The following SLC4A4 variants were observed in gnomAD, a reference collection of about 807,000 sequenced individuals.
The protein encoded by SLC4A4 is electrogenic sodium bicarbonate cotransporter 1.
In SLC4A4, 27 loss-of-function variants were observed where a neutral mutation model predicts 111.5. That is an observed-to-expected ratio of 0.24 (90% CI 0.18 to 0.33). The LOEUF (loss-of-function observed/expected upper bound fraction) is 0.33, where lower values mean the gene tolerates loss of function less well. Among genes scored for constraint, SLC4A4 ranks in the 10% least tolerant of loss-of-function variants. The probability of loss-of-function intolerance (pLI) is 1.00; values close to 1 mark genes in which losing one functional copy is unlikely to be tolerated. For missense variants in SLC4A4, 909 were observed against 1,315.5 expected, an observed-to-expected ratio of 0.69 and a Z score of 4.78; for synonymous variants, 443 against 463.4, an observed-to-expected ratio of 0.96 and a Z score of 0.57.
At chr4:71,100,711 C>T (rs1742704169) in intron 2 of SLC4A4, among the ~76,000 whole-genome samples, 2 of 152,142 alleles carry the variant, frequency 1.3e-5, no homozygotes. Context: ...CAGTCTCACC[C>T]CAAAAGCTCC....
intron 3 of SLC4A4, among the ~76,000 whole-genome samples, chr4:71,336,014 C>T (rs930562858): frequency 2.4e-4 from 37 of 152,012 alleles, no homozygotes; most frequent in Admixed American, 1.8e-3. Context: ...TTTATTTTCC[C>T]TACATACATG....
At chr4:71,087,191 A>G (rs1281380493) in intron 1 of SLC4A4, among the ~76,000 whole-genome samples, 1 of 151,920 alleles carries the variant, frequency 6.6e-6, no homozygotes, top group Non-Finnish European at 1.5e-5. Flanking sequence ...GTTTATTTGC[A>G]TAGAGGTGTT....
chr4:71,551,203 A>G (rs767602933), intron 20 of SLC4A4, among the ~76,000 whole-genome samples: 1 of 152,004 alleles, frequency 6.6e-6, no homozygotes, highest in Non-Finnish European at 1.5e-5. Context: ...AGTGAAGTTC[A>G]CTGCTACTTT....
intron 7 of SLC4A4, among the ~76,000 whole-genome samples, chr4:71,415,769 G>C (rs1443753550): frequency 6.6e-6 from 1 of 152,116 alleles, no homozygotes; most frequent in Non-Finnish European, 1.5e-5. Flanking sequence ...TATACATTCT[G>C]CCTTTTAATT....
chr4:71,174,255 C>CTT (rs35256882), intron 2 of SLC4A4, among the ~76,000 whole-genome samples: 14 of 140,880 alleles, frequency 9.9e-5, no homozygotes, highest in Admixed American at 1.4e-4. Flanking sequence ...CCACACCACA[C>CTT]TTTTTTTTTT....
At chr4:71,175,236 A>G (rs2148984282) in intron 2 of SLC4A4, among the ~76,000 whole-genome samples, 1 of 152,360 alleles carries the variant, frequency 6.6e-6, no homozygotes, top group South Asian at 2.1e-4. Context: ...CTGAATAGGA[A>G]CAGCTCCAGT....
intron 14 of SLC4A4, among the ~76,000 whole-genome samples, chr4:71,474,239 A>G (rs1037448925): frequency 1.3e-5 from 2 of 151,850 alleles, no homozygotes; most frequent in Admixed American, 1.3e-4. Context: ...ATAAAAATTG[A>G]TATACAGTCC....
rs372556356 is a variant in SLC4A4, at chr4:71,335,443, T to C, written c.254-3927T>C. Among the ~76,000 whole-genome samples the C allele has an allele frequency of 5.3e-5, 8 of 152,166 alleles. No homozygotes were observed. In the East Asian group the frequency reaches 1.5e-3, roughly 29 times the overall value. On this transcript the variant is annotated intron_variant, in intron 3 of 25. Coordinates refer to ENST00000264485, the MANE Select transcript of SLC4A4 (RefSeq NM_001098484.3). Reference sequence around the variant, plus strand: ...ATGCCCTCCTGATTGCCTAAAATAGTTAGACTTCCCATTTCATGATTGGAA... The same window carrying C: ...ATGCCCTCCTGATTGCCTAAAATAGCTAGACTTCCCATTTCATGATTGGAA...
chr4:71,181,149 G>A (rs1260986609), intron 2 of SLC4A4, among the ~76,000 whole-genome samples: 2 of 147,888 alleles, frequency 1.4e-5, no homozygotes, highest in East Asian at 2.0e-4. Context: ...CTCACTCATA[G>A]GTGGGAATTG....
At chr4:71,529,545 T>C (rs562857937) in intron 16 of SLC4A4, among the ~76,000 whole-genome samples, 1 of 152,190 alleles carries the variant, frequency 6.6e-6, no homozygotes, top group African/African-American at 2.4e-5. Flanking sequence ...GTCCAGTTTA[T>C]GGAAAGCTGA....
At chr4:71,186,545 G>GTCCTCCGCCAGC (rs1255587084), upstream of SLC4A4, among the ~76,000 whole-genome samples, 4 of 151,988 alleles carry the variant, frequency 2.6e-5, no homozygotes, top group Admixed American at 6.6e-5. Flanking sequence ...CCGGAGCCGG[G>GTCCTCCGCCAGC]TCCTCCGCCA....
intron 1 of SLC4A4, among the ~76,000 whole-genome samples, chr4:71,071,637 C>A (rs1398346645): frequency 2.6e-5 from 4 of 152,044 alleles, no homozygotes; most frequent in Non-Finnish European, 5.9e-5. Context: ...GATGTTTGAG[C>A]ATGTGTGTTT....
chr4:71,522,658 T>A (rs191580766), intron 16 of SLC4A4, among the ~76,000 whole-genome samples: 81 of 152,326 alleles, frequency 5.3e-4, no homozygotes, highest in African/African-American at 1.9e-3. Context: ...AACTTCTTGA[T>A]TTTCTAATTT....
intron 13 of SLC4A4, among the ~76,000 whole-genome samples, chr4:71,466,826 T>C (rs1392657543): frequency 1.4e-4 from 21 of 151,974 alleles, no homozygotes; most frequent in Admixed American, 1.4e-3. Flanking sequence ...CCCATTGTCC[T>C]GCCCTGTGCT....
intron 2 of SLC4A4, among the ~76,000 whole-genome samples, chr4:71,097,677 TCAG>T (rs1446100001): frequency 1.3e-5 from 2 of 152,156 alleles, no homozygotes; most frequent in Non-Finnish European, 2.9e-5. Context: ...CGCAATTTCA[TCAG>T]CGTCTGTTAT....
chr4:71,479,572 C>G (rs2149119610), intron 14 of SLC4A4, among the ~76,000 whole-genome samples: 1 of 151,768 alleles, frequency 6.6e-6, no homozygotes, highest in East Asian at 1.9e-4. Context: ...CCTAACTTAC[C>G]TCCCATGAAC....
At chr4:71,553,967 A>G (rs1408052658) in intron 20 of SLC4A4, among the ~76,000 whole-genome samples, 2 of 151,922 alleles carry the variant, frequency 1.3e-5, no homozygotes, top group Non-Finnish European at 2.9e-5. Context: ...GATGTTTTGT[A>G]TATATAAATA....
chr4:71,226,894 A>T (rs966861400), intron 1 of SLC4A4, among the ~76,000 whole-genome samples: 1 of 152,032 alleles, frequency 6.6e-6, no homozygotes, highest in African/African-American at 2.4e-5. Flanking sequence ...TAGTCACTAC[A>T]CATAGTTAGT....
At chr4:71,464,857 A>T (rs1336466089) in intron 12 of SLC4A4, among the ~76,000 whole-genome samples, 1 of 152,162 alleles carries the variant, frequency 6.6e-6, no homozygotes, top group South Asian at 2.1e-4. Context: ...TATTGTAATA[A>T]TGGTCTCCTA....
Sources: allele counts gnomAD v4.1 joint callset (sites outside exome capture counted in the v4.1 genomes callset), GRCh38; gene constraint gnomAD v4.1.1; transcripts MANE v1.5; gene names NCBI Gene and HGNC (gene_info 2026-07-23, HGNC 2026-07-21).